PIK3R4: variants seen among roughly 807,000 people sequenced by gnomAD.
The protein encoded by PIK3R4 is phosphoinositide-3-kinase regulatory subunit 4, also known as phosphoinositide 3-kinase regulatory subunit 4.
A neutral mutation model predicts 136.5 loss-of-function variants in PIK3R4; 46 were observed. The observed-to-expected ratio is 0.34, with a 90% CI of 0.27 to 0.43. The LOEUF (loss-of-function observed/expected upper bound fraction) is 0.43, where lower values mean the gene tolerates loss of function less well. Among genes scored for constraint, PIK3R4 ranks in the 20% least tolerant of loss-of-function variants. The pLI, the probability that PIK3R4 is intolerant of heterozygous loss-of-function variation, is 1.00. For synonymous variants in PIK3R4, 557 were observed against 566.7 expected (o/e 0.98, Z 0.24); for missense variants, 1,331 against 1,649.5 (o/e 0.81, Z 3.35).
intron 9 of PIK3R4, among the ~76,000 whole-genome samples, chr3:130,710,605 A>C (rs1339502789): frequency 6.6e-6 from 1 of 152,180 alleles, no homozygotes; most frequent in Non-Finnish European, 1.5e-5. Flanking sequence ...AGGTATTCAG[A>C]TTGGAAAAAA....
intron 3 of PIK3R4, 95 bp downstream of exon 3, chr3:130,735,774 T>A (rs565286511): frequency 5.2e-6 from 6 of 1,147,498 alleles, no homozygotes; most frequent in Non-Finnish European, 7.4e-6. Flanking sequence ...TACTGCTTGA[T>A]TCCAAATTTA....
In PIK3R4 at chr3:130,735,763, T is replaced by C. The variant is rs113258438; in HGVS notation, c.867+106A>G. ...GCTGTTTATATTAGTCTATGGTGTT[T>C]TACTGCTTGATTCCAAATTTACAAC... is the stretch of plus-strand genomic sequence containing the variant. On this transcript the variant is annotated intron_variant, in intron 3 of 19. Transcript: ENST00000356763. 2,007 of 1,009,244 alleles carry C rather than the reference T, an allele frequency of 2.0e-3. 28 individuals are homozygous for C. In the African/African-American group the frequency reaches 0.028, roughly 14 times the overall value. 62.5% of individuals were successfully genotyped at this position (1,009,244 alleles called of 1,614,324 possible).
At chr3:130,709,240 ATAAT>A (rs2066621900) in intron 9 of PIK3R4, among the ~76,000 whole-genome samples, 1 of 152,216 alleles carries the variant, frequency 6.6e-6, no homozygotes, top group African/African-American at 2.4e-5. Flanking sequence ...ATCAATCTAA[ATAAT>A]TAATTCCTTG....
At chr3:130,712,394 C>T (rs1289327543) in intron 9 of PIK3R4, among the ~76,000 whole-genome samples, 2 of 152,022 alleles carry the variant, frequency 1.3e-5, no homozygotes, top group East Asian at 1.9e-4. Context: ...ACTCGCCGGG[C>T]GAGGTGGCTC....
rs140629146 is a variant in PIK3R4 at position 130,711,244 on chromosome 3, GAC to G, written c.2332-2754_2332-2753del. On this transcript the variant is annotated intron_variant, in intron 9 of 19. Transcript: ENST00000356763. ...ACACACACGCACGCACACACACACA[GAC>G]ACACACTTTTCAGGCATGGGAAAAC... Among the ~76,000 whole-genome samples, 838 of 151,816 alleles carry G rather than the reference GAC, an allele frequency of 5.5e-3. 5 individuals are homozygous for G. The highest frequency in any genetic ancestry group is 0.019 in the African/African-American group (787 of 41,426).
At chr3:130,740,215 AAAG>A (rs2066814349) in intron 2 of PIK3R4, among the ~76,000 whole-genome samples, 1 of 152,226 alleles carries the variant, frequency 6.6e-6, no homozygotes, top group South Asian at 2.1e-4. Context: ...GATAATAACA[AAAG>A]AAAAAAAGGC....
chr3:130,733,922 C>A lies in PIK3R4; in HGVS notation c.1076G>T (p.Gly359Val). ...TTCGGCTTTTTCTGGCAGATCATGTCCACAGAGATTGTGAATAATGTTGCC... is the reference window on the plus strand; with the variant it reads ...TTCGGCTTTTTCTGGCAGATCATGTACACAGAGATTGTGAATAATGTTGCC... ...DLGNIIHNLC[G>V]HDLPEKAEGE... is the part of the protein sequence containing the mutation. Residue 359 changes from glycine (G) to valine (V), a missense_variant, in exon 4 of 20, where the codon GGA becomes GTA. Physicochemically the swap from Gly to Val is moderately radical, Grantham distance 109 (BLOSUM62 -3). Around this residue, in one of 2 missense-constraint regions of PIK3R4, gnomAD observed 1,180 missense variants for 1,407.0 expected, o/e 0.84. Coordinates refer to ENST00000356763, the MANE Select transcript of PIK3R4 (RefSeq NM_014602.3). The A allele has an allele frequency of 6.2e-7, 1 of 1,614,112 alleles. No homozygotes were observed. The highest frequency in any genetic ancestry group is 8.5e-7 in the Non-Finnish European group (1 of 1,180,002).
intron 13 of PIK3R4, among the ~76,000 whole-genome samples, chr3:130,697,062 G>GT (rs1559821992): frequency 5.2e-5 from 5 of 96,352 alleles, no homozygotes; most frequent in African/African-American, 1.5e-4. Flanking sequence ...GGCCACTCCA[G>GT]CTTTTTTTTT....
chr3:130,739,963 T>C (rs2066811396), intron 2 of PIK3R4, among the ~76,000 whole-genome samples: 1 of 152,090 alleles, frequency 6.6e-6, no homozygotes, highest in Non-Finnish European at 1.5e-5. Context: ...AGAGAATGCA[T>C]GTAAAAGCTG....
intron 13 of PIK3R4, 48 bp from the exon 14 acceptor site, chr3:130,690,702 A>G (rs374424679): frequency 8.5e-7 from 1 of 1,175,680 alleles, no homozygotes; most frequent in Non-Finnish European, 1.2e-6. Context: ...TGTCACTGCT[A>G]ATGTTAAATA....
Position 130,745,112 on chromosome 3 carries a change from C to A in PIK3R4, c.107G>T (p.Arg36Leu), listed in dbSNP as rs1215063028. 6.2e-7 allele frequency: 1 copy of A among 1,613,628 alleles called. No homozygotes were observed. The highest frequency in any genetic ancestry group is 1.3e-5 in the African/African-American group (1 of 74,806). The change falls in exon 2 of 20, where the codon CGG (arginine) becomes CTG (leucine). Residue 36 changes from arginine to leucine, a missense_variant. By Grantham distance (102) the Arg-to-Leu change is moderately radical. This residue lies in a region of PIK3R4 where 151 missense variants were observed against 242.5 expected (regional missense o/e 0.62). Coordinates refer to ENST00000356763, the MANE Select transcript of PIK3R4 (RefSeq NM_014602.3). ...FEYDKSLGST[R>L]FFKVARAKHR... Reference sequence around the variant, plus strand: ...CTTGGCTCGAGCAACTTTAAAAAACCGAGTACTCCCCAGGCTTTTATCATA... The same window carrying A: ...CTTGGCTCGAGCAACTTTAAAAAACAGAGTACTCCCCAGGCTTTTATCATA...
intron 5 of PIK3R4, 63 bp from the exon 6 acceptor site, chr3:130,728,747 T>C (rs2066747175): frequency 8.7e-7 from 1 of 1,155,418 alleles, no homozygotes; most frequent in Admixed American, 2.6e-5. Context: ...AAAGATCAAT[T>C]TTTCCCCATA....
chr3:130,705,652 G>A lies in PIK3R4; in HGVS notation c.2841C>T (p.Leu947=). The change falls in exon 12 of 20, where the codon CTC becomes CTT. Residue 947 remains leucine (L), a synonymous_variant. Coordinates refer to ENST00000356763, the MANE Select transcript of PIK3R4 (RefSeq NM_014602.3). ...TGCACTGCTCCCGCTTTTGCTGGAT[G>A]AGTTGCTGAAGTTCAGTTTTACAAG... ...ITTCKTELQQ[L]IQQKREQCNA... The A allele has an allele frequency of 3.1e-6, 5 of 1,613,300 alleles. No individual in the cohort carries two copies. Among genetic ancestry groups the A allele is most frequent in the Non-Finnish European group, 4.2e-6 (5 of 1,179,236 alleles).
chr3:130,681,682 G>GAA lies in PIK3R4; in HGVS notation c.3608-93_3608-92dup, dbSNP rs2066459450. ...AAATTGCAGTCCTGAGAGAAAGAAA[G>GAA]AAAAATTTCTTTCTTTCTTTCAGGG... is the stretch of plus-strand genomic sequence containing the variant. On this transcript the variant is annotated intron_variant, in intron 16 of 19. Transcript: ENST00000356763. 6 of 715,968 alleles carry GAA rather than the reference G, an allele frequency of 8.4e-6. No individual in the cohort carries two copies. In the South Asian group the frequency reaches 8.7e-5, roughly 10 times the overall value. The allele number at this position is 715,968 out of a possible 1,614,324, so 44.4% of individuals were successfully genotyped here.
intron 2 of PIK3R4, among the ~76,000 whole-genome samples, chr3:130,738,033 T>C (rs1224162095): frequency 2.6e-5 from 4 of 152,230 alleles, no homozygotes; most frequent in African/African-American, 4.8e-5. Context: ...GATTTTTCTA[T>C]TTTTCTCTAT....
intron 9 of PIK3R4, among the ~76,000 whole-genome samples, chr3:130,714,328 A>G (rs2066649463): frequency 6.6e-6 from 1 of 152,078 alleles, no homozygotes; most frequent in African/African-American, 2.4e-5. Context: ...AACCATTTTT[A>G]TTCCTATCTT....
At chr3:130,742,263 G>T (rs148667762) in intron 2 of PIK3R4, among the ~76,000 whole-genome samples, 40 of 152,238 alleles carry the variant, frequency 2.6e-4, no homozygotes, top group African/African-American at 9.2e-4. Context: ...ACAATGTAAG[G>T]CTCTTTGGTC....
chr3:130,689,969 TAAATA>T (rs1351820469), intron 14 of PIK3R4, among the ~76,000 whole-genome samples: 1 of 152,232 alleles, frequency 6.6e-6, no homozygotes. Context: ...TAAACATTCT[TAAATA>T]AAACCACCGC....
At chr3:130,720,253 T>C (rs148391296) in intron 7 of PIK3R4, among the ~76,000 whole-genome samples, 27 of 152,236 alleles carry the variant, frequency 1.8e-4, no homozygotes, top group African/African-American at 6.5e-4. Flanking sequence ...TGGAGTGCAA[T>C]GGCACGATCT....
Sources: allele counts gnomAD v4.1 joint callset (sites outside exome capture counted in the v4.1 genomes callset), GRCh38; gene constraint gnomAD v4.1.1; regional missense constraint gnomAD v4.1.1; transcripts MANE v1.5; gene names NCBI Gene and HGNC (gene_info 2026-07-23, HGNC 2026-07-21).